KCNIP4: variants seen among roughly 807,000 people sequenced by gnomAD.
KCNIP4 encodes the protein Kv channel-interacting protein 4.
In KCNIP4, 12 loss-of-function variants were observed where a neutral mutation model predicts 34.0. The ratio of observed to expected loss-of-function variants is 0.35; its 90% CI spans 0.23 to 0.57. The LOEUF is 0.57. KCNIP4 is among the 20% of genes least tolerant of loss of function. KCNIP4 has a pLI of 0.83. For synonymous variants in KCNIP4, 124 were observed against 102.2 expected (o/e 1.21, Z -1.29); for missense variants, 238 against 311.7 (o/e 0.76, Z 1.78).
At chr4:21,139,334 C>A (rs1421281799) in intron 1 of KCNIP4, among the ~76,000 whole-genome samples, 1 of 152,184 alleles carries the variant, frequency 6.6e-6, no homozygotes. Flanking sequence ...GCACCTCTTT[C>A]AGTTTTATTA....
At chr4:21,811,556 C>A (rs1284839199) in intron 1 of KCNIP4, among the ~76,000 whole-genome samples, 1 of 152,178 alleles carries the variant, frequency 6.6e-6, no homozygotes, top group African/African-American at 2.4e-5. Context: ...ATTCGCTGAG[C>A]CTTCCACTCA....
intron 1 of KCNIP4, among the ~76,000 whole-genome samples, chr4:21,749,254 G>A (rs566033812): frequency 8.3e-4 from 127 of 152,212 alleles, no homozygotes; most frequent in Non-Finnish European, 1.6e-3. Context: ...ATTCTCAATG[G>A]AAAATTGATG....
At chr4:21,936,034 A>G (rs1467429297) in intron 1 of KCNIP4, among the ~76,000 whole-genome samples, 1 of 151,768 alleles carries the variant, frequency 6.6e-6, no homozygotes, top group East Asian at 1.9e-4. Flanking sequence ...TTATCAAATA[A>G]TAGTATAGCA....
intron 1 of KCNIP4, among the ~76,000 whole-genome samples, chr4:21,048,694 C>T (rs189034238): frequency 7.9e-5 from 12 of 152,258 alleles, no homozygotes; most frequent in African/African-American, 2.6e-4. Flanking sequence ...GATGGCCACA[C>T]ATTCTTTGAT....
Position 20,728,842 on chromosome 4 carries a change from T to G in KCNIP4, c.*1240A>C, listed in dbSNP as rs192700735. The stretch of plus-strand genomic sequence containing the variant: ...ATTTCCTCCTTCTGTAGCCTCTTGG[T>G]CTTTGTGATATTTCTACAAAACAGG... On this transcript the variant is annotated 3_prime_UTR_variant, in exon 9 of 9. Transcript: ENST00000382152. 2 of 152,614 alleles carry G rather than the reference T, an allele frequency of 1.3e-5. No individual in the cohort carries two copies. The highest frequency in any genetic ancestry group is 1.3e-4 in the Admixed American group (2 of 15,292). 9.5% of individuals were successfully genotyped at this position (152,614 alleles called of 1,614,324 possible). A position where few individuals can be genotyped will look rare whatever the true frequency, so the allele number is the denominator to read the frequency against.
At chr4:20,864,366 T>TATGTTATACATTTTATATATAC in intron 2 of KCNIP4, among the ~76,000 whole-genome samples, 1 of 151,118 alleles carries the variant, frequency 6.6e-6, no homozygotes, top group Non-Finnish European at 1.5e-5. Context: ...TGTATATATG[T>TATGTTATACATTTTATATATAC]ATGTTATACA....
intron 1 of KCNIP4, among the ~76,000 whole-genome samples, chr4:21,022,093 G>A (rs1339792031): frequency 6.6e-6 from 1 of 152,000 alleles, no homozygotes; most frequent in Non-Finnish European, 1.5e-5. Flanking sequence ...TAATATTTCA[G>A]CTCCATTAAA....
chr4:21,659,456 T>C (rs6843682), intron 1 of KCNIP4, among the ~76,000 whole-genome samples: 18,643 of 152,152 alleles, frequency 0.12, 1,171 homozygotes, highest in Non-Finnish European at 0.14. Flanking sequence ...TACTAGTTTT[T>C]CAATAAAATA....
At chr4:21,347,247 G>A (rs1284179243) in intron 1 of KCNIP4, among the ~76,000 whole-genome samples, 1 of 152,182 alleles carries the variant, frequency 6.6e-6, no homozygotes, top group Non-Finnish European at 1.5e-5. Flanking sequence ...GCTAGATAGG[G>A]GAAGCCATTA....
At chr4:21,835,554 AAAGTTTTTCC>A (rs1723265103) in intron 1 of KCNIP4, among the ~76,000 whole-genome samples, 1 of 149,852 alleles carries the variant, frequency 6.7e-6, no homozygotes, top group South Asian at 2.2e-4. Context: ...CAACTTTAGA[AAAGTTTTTCC>A]AAATGTTTTC....
intron 3 of KCNIP4, among the ~76,000 whole-genome samples, chr4:20,781,355 T>G (rs1277084823): frequency 6.6e-6 from 1 of 152,232 alleles, no homozygotes; most frequent in Non-Finnish European, 1.5e-5. Context: ...CAATTTGAAC[T>G]GATTTCAAGT....
intron 1 of KCNIP4, among the ~76,000 whole-genome samples, chr4:20,905,511 T>TC (rs928542291): frequency 5.4e-5 from 5 of 92,124 alleles, no homozygotes; most frequent in African/African-American, 1.8e-4. Flanking sequence ...TTTTCTTTCT[T>TC]TTTTTTTTTT....
intron 1 of KCNIP4, among the ~76,000 whole-genome samples, chr4:21,611,815 C>T (rs1744182162): frequency 2.0e-5 from 3 of 152,096 alleles, no homozygotes; most frequent in East Asian, 3.9e-4. Context: ...CAACTCAAGC[C>T]GGCAGGTATA....
Position 21,360,977 on chromosome 4 carries a change from G to A in KCNIP4, c.62-478268C>T, listed in dbSNP as rs550051965. 6.6e-5 allele frequency among the ~76,000 whole-genome samples: 10 copies of A among 152,084 alleles called. No homozygotes were observed. In the South Asian group the frequency reaches 1.9e-3, roughly 28 times the overall value. On this transcript the variant is annotated intron_variant, in intron 1 of 8. Coordinates refer to ENST00000382152, the MANE Select transcript of KCNIP4 (RefSeq NM_025221.6). ...CGCTGCTACACCCTGGCAACCCAGA[G>A]GTGTAAACTGGCTCAAATATGTGTT...
chr4:21,301,393 A>T (rs1366065772), intron 1 of KCNIP4, among the ~76,000 whole-genome samples: 1 of 152,166 alleles, frequency 6.6e-6, no homozygotes, highest in Non-Finnish European at 1.5e-5. Context: ...AAACAGTTGT[A>T]AGTTTACATG....
At chr4:21,926,501 A>G (rs1729252524) in intron 1 of KCNIP4, among the ~76,000 whole-genome samples, 1 of 152,174 alleles carries the variant, frequency 6.6e-6, no homozygotes, top group African/African-American at 2.4e-5. Context: ...GAACCCTCAT[A>G]ATCACCATGA....
At chr4:21,821,821 C>G (rs1037377341) in intron 1 of KCNIP4, among the ~76,000 whole-genome samples, 1 of 151,984 alleles carries the variant, frequency 6.6e-6, no homozygotes, top group Non-Finnish European at 1.5e-5. Flanking sequence ...AAATTTTATA[C>G]CCTATTCATT....
intron 1 of KCNIP4, among the ~76,000 whole-genome samples, chr4:21,104,604 T>C (rs1304919676): frequency 6.6e-6 from 1 of 152,142 alleles, no homozygotes; most frequent in South Asian, 2.1e-4. Flanking sequence ...TTTAATTAGA[T>C]CCCATTTGTC....
intron 1 of KCNIP4, among the ~76,000 whole-genome samples, chr4:21,296,089 G>A (rs938972862): frequency 2.6e-5 from 4 of 152,112 alleles, no homozygotes; most frequent in Non-Finnish European, 4.4e-5. Flanking sequence ...ACAGTAGCTG[G>A]CACTTGGGAG....
Sources: allele counts gnomAD v4.1 joint callset (sites outside exome capture counted in the v4.1 genomes callset), GRCh38; gene constraint gnomAD v4.1.1; transcripts MANE v1.5; gene names NCBI Gene and HGNC (gene_info 2026-07-23, HGNC 2026-07-21).